FMNL1: variants seen among roughly 807,000 people sequenced by gnomAD.
FMNL1 encodes the protein formin like 1, also known as formin-like protein 1.
Under a neutral mutation model 121.3 loss-of-function variants are expected in FMNL1, and 43 were observed. The ratio of observed to expected loss-of-function variants is 0.35; its 90% CI spans 0.28 to 0.46. The LOEUF is 0.46. Among genes scored for constraint, FMNL1 ranks in the 20% least tolerant of loss-of-function variants. The pLI is 1.00. For synonymous variants in FMNL1, 613 were observed against 613.5 expected (o/e 1.00, Z 0.01); for missense variants, 1,191 against 1,482.4 (o/e 0.80, Z 3.23).
intron 26 of FMNL1, 44 bp downstream of exon 26, chr17:45,246,648 C>A: frequency 6.5e-7 from 1 of 1,536,854 alleles, no homozygotes; most frequent in South Asian, 1.2e-5. Context: ...GCCCACAGCC[C>A]CTGGGACCCT....
Position 45,231,769 on chromosome 17 carries a change from GGTCCGA to G in FMNL1, c.214-593_214-588del, listed in dbSNP as rs2043443012. Among the ~76,000 whole-genome samples the G allele has an allele frequency of 6.6e-6, 1 of 152,144 alleles. No homozygotes were observed. On this transcript the variant is annotated intron_variant, in intron 2 of 26. Coordinates refer to ENST00000331495, the MANE Select transcript of FMNL1 (RefSeq NM_005892.4). This position sits in a 1 kb window ranked among gnomAD's most constrained non-coding sequence, Gnocchi z 4.7. ...CCAACGCAGATGTGCAGGGCGGCTG[GGTCCGA>G]GTCCTACCCAGGTGCTGGGTCCCCT...
At chr17:45,228,934 C>G (rs1193843584) in intron 1 of FMNL1, among the ~76,000 whole-genome samples, 1 of 152,204 alleles carries the variant, frequency 6.6e-6, no homozygotes, top group African/African-American at 2.4e-5. Flanking sequence ...AGCCCTGCCC[C>G]ACCCTTTGTC....
At position 45,246,514 on chromosome 17, in the gene FMNL1, C is replaced by T. The variant is rs775396711; in HGVS notation, c.3221C>T (p.Thr1074Met). ...AIEDIITVIK[T>M]VPFTARTGKR... ...CCCCACCCCCACTCAGTGATCAAGACGGTGCCCTTCACGGCCCGCACCGGC... is the reference window on the plus strand; with the variant it reads ...CCCCACCCCCACTCAGTGATCAAGATGGTGCCCTTCACGGCCCGCACCGGC... Residue 1074 changes from threonine (T) to methionine (M), a missense_variant, in exon 26 of 27, where the codon ACG (threonine) becomes ATG (methionine). By Grantham distance (81) the Thr-to-Met change is moderately conservative. Around this residue, in one of 4 missense-constraint regions of FMNL1, gnomAD observed 367 missense variants for 528.6 expected, o/e 0.69. Coordinates refer to ENST00000331495, the MANE Select transcript of FMNL1 (RefSeq NM_005892.4). The T allele has an allele frequency of 1.8e-5, 29 of 1,614,080 alleles. No homozygotes were observed. Among genetic ancestry groups the T allele is most frequent in the Admixed American group, 3.3e-5 (2 of 60,012 alleles).
At chr17:45,225,284 TG>T (rs1451766303) in intron 1 of FMNL1, among the ~76,000 whole-genome samples, 1 of 152,160 alleles carries the variant, frequency 6.6e-6, no homozygotes, top group African/African-American at 2.4e-5. Flanking sequence ...TGCTTGCAGC[TG>T]GGGCCCTTCC....
At chr17:45,230,376 G>T (rs985523430) in intron 1 of FMNL1, among the ~76,000 whole-genome samples, 2 of 152,170 alleles carry the variant, frequency 1.3e-5, no homozygotes, top group African/African-American at 4.8e-5. Context: ...GGCAGACTCG[G>T]ATTCAAATCC....
In FMNL1 at chr17:45,245,917, G is replaced by A. The variant is rs748632258; in HGVS notation, c.3034G>A (p.Ala1012Thr). Reference protein sequence around the residue: ...QEVEQWKKEAAAQEAGADTPG... With the variant: ...QEVEQWKKEATAQEAGADTPG... ...GGTGGAACAGTGGAAAAAAGAAGCCGCTGCCCAGGAGGCAGGCGCTGATAC... is the reference window on the plus strand; with the variant it reads ...GGTGGAACAGTGGAAAAAAGAAGCCACTGCCCAGGAGGCAGGCGCTGATAC... Residue 1012 changes from alanine to threonine, a missense_variant, in exon 24 of 27, where the codon GCT becomes ACT. Transcript: ENST00000331495. The A allele has an allele frequency of 8.2e-6, 13 of 1,590,730 alleles. No individual in the cohort carries two copies. The East Asian group carries it at 8.9e-5, about 11-fold the overall frequency.
At chr17:45,229,616 T>C (rs2043398505) in intron 1 of FMNL1, among the ~76,000 whole-genome samples, 1 of 152,142 alleles carries the variant, frequency 6.6e-6, no homozygotes, top group Admixed American at 6.5e-5. Context: ...TTTACTAAAT[T>C]GAAGGGAACT....
Position 45,241,769 on chromosome 17 carries a change from G to A in FMNL1, c.1586-78G>A, listed in dbSNP as rs1598206514. 1 of 1,406,238 alleles carries A rather than the reference G, an allele frequency of 7.1e-7. No homozygotes were observed. The highest frequency in any genetic ancestry group is 9.2e-7 in the Non-Finnish European group (1 of 1,084,746). The allele number at this position is 1,406,238 out of a possible 1,614,324, so 87.1% of individuals were successfully genotyped here. Reference sequence around the variant, plus strand: ...GCTCAGGTAGGAGCGCATGCGTAGAGCGGAGAGGCGGAGAGGGGCCCACCC... The same window carrying A: ...GCTCAGGTAGGAGCGCATGCGTAGAACGGAGAGGCGGAGAGGGGCCCACCC... On this transcript the variant is annotated intron_variant, in intron 14 of 26. Transcript: ENST00000331495. This position sits in a 1 kb window ranked among gnomAD's most constrained non-coding sequence, Gnocchi z 7.0.
At position 45,236,258 on chromosome 17, in the gene FMNL1, C is replaced by A. The variant is rs1409307590; in HGVS notation, c.723+14C>A. On this transcript the variant is annotated intron_variant, in intron 7 of 26. Transcript: ENST00000331495. ...ATGAACTACCAGGTCAGCCGAGGGG[C>A]ATGGGACTGGCGACTAGGGAGCCCA... is the stretch of plus-strand genomic sequence containing the variant. 9 of 1,609,498 alleles carry A rather than the reference C, an allele frequency of 5.6e-6. No individual in the cohort carries two copies. The highest frequency in any genetic ancestry group is 7.6e-6 in the Non-Finnish European group (9 of 1,176,788).
chr17:45,232,461 AT>A lies in FMNL1; in HGVS notation c.310del (p.Trp104GlyfsTer25). 1 of 1,614,062 alleles carries A rather than the reference AT, an allele frequency of 6.2e-7. No individual in the cohort carries two copies. Among genetic ancestry groups the A allele is most frequent in the Non-Finnish European group, 8.5e-7 (1 of 1,179,966 alleles). ...TGGVSRKVAA[D>X]WMSNLGFKRR... ...GGGGTCAGCCGAAAGGTAGCAGCTG[AT>A]TGGATGTCCAACCTGGGGGTACATG... On this transcript the variant is annotated frameshift_variant, in exon 3 of 27. Coordinates refer to ENST00000331495, the MANE Select transcript of FMNL1 (RefSeq NM_005892.4). LOFTEE classifies it high-confidence loss of function.
chr17:45,245,709 T>C lies in FMNL1; in HGVS notation c.2970T>C (p.Phe990=). 1 of 1,614,074 alleles carries C rather than the reference T, an allele frequency of 6.2e-7. No homozygotes were observed. The highest frequency in any genetic ancestry group is 8.5e-7 in the Non-Finnish European group (1 of 1,179,992). The change falls in exon 23 of 27, where the codon TTT becomes TTC. Residue 990 remains phenylalanine (F), a synonymous_variant. Coordinates refer to ENST00000331495, the MANE Select transcript of FMNL1 (RefSeq NM_005892.4). The part of the protein sequence containing the change: ...TTSPGLFFSL[F]SRFIKAYKKA... ...CCCCAGGCCTGTTCTTCTCCCTCTT[T>C]AGCCGCTTCATTAAGGCCTACAAGG...
chr17:45,230,606 C>T lies in FMNL1; in HGVS notation c.132C>T (p.Asn44=). 1 of 1,613,834 alleles carries T rather than the reference C, an allele frequency of 6.2e-7. No individual in the cohort carries two copies. Among genetic ancestry groups the T allele is most frequent in the Non-Finnish European group, 8.5e-7 (1 of 1,179,832 alleles). The change falls in exon 2 of 27, where the codon AAC becomes AAT. Residue 44 remains asparagine, a splice_region_variant and synonymous_variant. Coordinates refer to ENST00000331495, the MANE Select transcript of FMNL1 (RefSeq NM_005892.4). Reference sequence around the variant, plus strand: ...GTCTTTGTCCTCCCTGTCCCCAGAACTGCATGAACTTGCCCCCAGACAAGG... The same window carrying T: ...GTCTTTGTCCTCCCTGTCCCCAGAATTGCATGAACTTGCCCCCAGACAAGG... ...ELEERFNRAL[N]CMNLPPDKVQ...
chr17:45,222,021 C>T lies in FMNL1; in HGVS notation c.-104C>T. 1 of 944,266 alleles carries T rather than the reference C, an allele frequency of 1.1e-6. No homozygotes were observed. The highest frequency in any genetic ancestry group is 1.3e-6 in the Non-Finnish European group (1 of 752,640). 58.5% of individuals were successfully genotyped at this position (944,266 alleles called of 1,614,324 possible). On this transcript the variant is annotated 5_prime_UTR_variant, in exon 1 of 27. Coordinates refer to ENST00000331495, the MANE Select transcript of FMNL1 (RefSeq NM_005892.4). The stretch of plus-strand genomic sequence containing the variant: ...CCGAGACCCCCGCCGCCACCGCCAG[C>T]CGCTGCCCCCTCGCCCCCGCCCGGG...
chr17:45,226,881 C>A (rs575743229), intron 1 of FMNL1, among the ~76,000 whole-genome samples: 2 of 152,284 alleles, frequency 1.3e-5, no homozygotes. Flanking sequence ...GGGTCCTCAG[C>A]ACCTGATCCT....
At chr17:45,240,773 T>G in intron 12 of FMNL1, 148 bp downstream of exon 12, 1 of 1,187,158 alleles carries the variant, frequency 8.4e-7, no homozygotes, top group Non-Finnish European at 1.2e-6. Flanking sequence ...GAGCCTGGCC[T>G]GAATCCAAAG....
intron 1 of FMNL1, among the ~76,000 whole-genome samples, chr17:45,226,310 T>C (rs796156400): frequency 1.4e-4 from 21 of 152,044 alleles, no homozygotes; most frequent in African/African-American, 4.8e-4. Flanking sequence ...TGAGAGAGGG[T>C]GTGCTGGTGG....
rs370000186 is a variant in FMNL1, at chr17:45,225,191, G to C, written c.129+2938G>C. On this transcript the variant is annotated intron_variant, in intron 1 of 26. Transcript: ENST00000331495. ...GGAATTTGCCTGATGGGTGCTCTTG[G>C]CTTGTGCCCAGAGGCCTGGGTGCCT... Among the ~76,000 whole-genome samples, 141 of 152,368 alleles carry C rather than the reference G, an allele frequency of 9.3e-4. 2 individuals are homozygous for C. In the South Asian group the frequency reaches 0.027, roughly 29 times the overall value.
chr17:45,247,065 CCCT>C lies in FMNL1; in HGVS notation c.*213_*215del, dbSNP rs2043855332. 1 of 628,492 alleles carries C rather than the reference CCCT, an allele frequency of 1.6e-6. No homozygotes were observed. Among genetic ancestry groups the C allele is most frequent in the African/African-American group, 1.8e-5 (1 of 55,546 alleles). 38.9% of individuals were successfully genotyped at this position (628,492 alleles called of 1,614,324 possible). A position where few individuals can be genotyped will look rare whatever the true frequency, so the allele number is the denominator to read the frequency against. On this transcript the variant is annotated 3_prime_UTR_variant, in exon 27 of 27. Transcript: ENST00000331495. Reference sequence around the variant, plus strand: ...TCCTCAGCTCGGCTGGCCGGGCAGCCCCTCCTCCGCTGTGGCCCGCCTCAAACG... The same window carrying C: ...TCCTCAGCTCGGCTGGCCGGGCAGCCCCTCCGCTGTGGCCCGCCTCAAACG...
At chr17:45,224,404 C>G (rs1346118451) in intron 1 of FMNL1, among the ~76,000 whole-genome samples, 1 of 152,204 alleles carries the variant, frequency 6.6e-6, no homozygotes, top group Non-Finnish European at 1.5e-5. Flanking sequence ...ATGGCCAGAG[C>G]TGAGTCCTGT....
Sources: gnomAD v4.1 joint callset for allele counts (sites outside exome capture counted in the v4.1 genomes callset) on GRCh38, gnomAD v4.1.1 for gene constraint, gnomAD v4.1.1 regional missense constraint, Gnocchi (gnomAD v3.1) non-coding constraint, MANE v1.5 for transcripts, NCBI Gene and HGNC (gene_info 2026-07-23, HGNC 2026-07-21) for gene names.